The following CT45A1 variants were observed in gnomAD, a reference collection of about 807,000 sequenced individuals.
The protein encoded by CT45A1 is cancer/testis antigen 45-1.
At chrX:135,715,490 ATATG>A (rs1201941454) in intron 1 of CT45A1, among the ~76,000 whole-genome samples, 2 of 79,694 alleles carry the variant, frequency 2.5e-5, no homozygotes, top group Non-Finnish European at 4.4e-5. Flanking sequence ...TATAATACTT[ATATG>A]TATATAATAC....
intron 1 of CT45A1, among the ~76,000 whole-genome samples, chrX:135,717,807 CTTA>C (rs1461340715): frequency 2.7e-5 from 3 of 111,430 alleles, no homozygotes; most frequent in Admixed American, 9.6e-5. Flanking sequence ...ACTAAATTTG[CTTA>C]TTAACTGTAA....
chrX:135,714,543 C>T (rs1440715433), intron 1 of CT45A1, among the ~76,000 whole-genome samples: 4 of 110,047 alleles, frequency 3.6e-5, no homozygotes, highest in Non-Finnish European at 7.6e-5. Context: ...TCTGACCTTT[C>T]GGCCACAGCC....
upstream of CT45A1, among the ~76,000 whole-genome samples, chrX:135,712,179 C>CTTTTTTTTTTTTTTTTTTTTTT (rs782572662): frequency 8.3e-5 from 4 of 48,424 alleles, no homozygotes; most frequent in Non-Finnish European, 1.0e-4. Context: ...TTTTTTCTTT[C>CTTTTTTTTTTTTTTTTTTTTTT]TTTTTTTTTT....
chrX:135,710,346 C>T (rs1556569240), upstream of CT45A1: 1 of 112,194 alleles, frequency 8.9e-6, no homozygotes. Flanking sequence ...TAGCGCTTTC[C>T]AGAATTTTGG....
At chrX:135,711,794 A>G (rs1187592662), upstream of CT45A1, among the ~76,000 whole-genome samples, 1 of 112,087 alleles carries the variant, frequency 8.9e-6, no homozygotes, top group Non-Finnish European at 1.9e-5. Flanking sequence ...GAAAGTGGAA[A>G]AATGGGCGGG....
At chrX:135,717,315 G>A (rs1556571923) in intron 1 of CT45A1, among the ~76,000 whole-genome samples, 1 of 111,804 alleles carries the variant, frequency 8.9e-6, no homozygotes, top group East Asian at 2.8e-4. Context: ...GTGGGAGGCC[G>A]AGGTGGGCAG....
chrX:135,713,752 A>G (rs1190574862), intron 1 of CT45A1, 62 bp downstream of exon 1: 43 of 685,331 alleles, frequency 6.3e-5, no homozygotes, highest in Non-Finnish European at 7.1e-5. Context: ...TTCACCCCAG[A>G]AAGTGTCCTT....
At chrX:135,714,008 C>A (rs1396193074) in intron 1 of CT45A1, among the ~76,000 whole-genome samples, 1 of 107,845 alleles carries the variant, frequency 9.3e-6, no homozygotes, top group Non-Finnish European at 1.9e-5. Flanking sequence ...GGGGGCCATG[C>A]CTTGGTTGCT....
chrX:135,718,012 C>T (rs868960300), intron 1 of CT45A1, among the ~76,000 whole-genome samples: 54 of 111,816 alleles, frequency 4.8e-4, no homozygotes, highest in African/African-American at 1.6e-3. Context: ...AATACTGATA[C>T]GTCACTATGA....
chrX:135,715,689 ATACT>A (rs1312466839), intron 1 of CT45A1, among the ~76,000 whole-genome samples: 1 of 101,017 alleles, frequency 9.9e-6, no homozygotes, highest in South Asian at 4.0e-4. Context: ...TATGTATATA[ATACT>A]TATATATATA....
At chrX:135,711,826 A>T (rs781972478), upstream of CT45A1, among the ~76,000 whole-genome samples, 18 of 111,754 alleles carry the variant, frequency 1.6e-4, no homozygotes, top group African/African-American at 5.9e-4. Flanking sequence ...CACACCTGTA[A>T]TCCCAGCACT....
At chrX:135,709,153 G>T (rs1438754578), upstream of CT45A1, among the ~76,000 whole-genome samples, 3 of 112,350 alleles carry the variant, frequency 2.7e-5, no homozygotes, top group African/African-American at 9.7e-5. Context: ...TACAGCAGCT[G>T]CAGTTGGAAC....
At chrX:135,712,974 T>C (rs1278372002), upstream of CT45A1, among the ~76,000 whole-genome samples, 9 of 48,194 alleles carry the variant, frequency 1.9e-4, no homozygotes, top group South Asian at 1.2e-3. Flanking sequence ...TCTTTCTTTC[T>C]TTTCTTTCTC....
the CT45A1 span, among the ~76,000 whole-genome samples, chrX:135,708,425 T>C: frequency 9.0e-6 from 1 of 110,711 alleles, no homozygotes; most frequent in Non-Finnish European, 1.9e-5. Flanking sequence ...GCAGTTTTTC[T>C]CTGGATGCTT....
intron 1 of CT45A1, among the ~76,000 whole-genome samples, chrX:135,718,469 A>G (rs1360182399): frequency 9.1e-6 from 1 of 110,365 alleles, no homozygotes; most frequent in East Asian, 2.8e-4. Context: ...AGATTGGTTT[A>G]TACATCTATT....
chrX:135,711,728 A>AT (rs2087934229), upstream of CT45A1, among the ~76,000 whole-genome samples: 2 of 112,238 alleles, frequency 1.8e-5, no homozygotes, highest in Admixed American at 9.5e-5. Context: ...TCGCTGTAAT[A>AT]TTTTTTGCCA....
At chrX:135,710,122 T>C (rs2087926955), upstream of CT45A1, 1 of 115,986 alleles carries the variant, frequency 8.6e-6, no homozygotes, top group African/African-American at 3.2e-5. Context: ...TTTTACAGAG[T>C]TAATGGTCCC....
At chrX:135,714,237 C>T (rs1331116763) in intron 1 of CT45A1, among the ~76,000 whole-genome samples, 1 of 109,247 alleles carries the variant, frequency 9.2e-6, no homozygotes. Flanking sequence ...GGCACATTTG[C>T]CCTTGGATGT....
At chrX:135,717,026 A>G (rs782369639) in intron 1 of CT45A1, among the ~76,000 whole-genome samples, 1 of 111,332 alleles carries the variant, frequency 9.0e-6, no homozygotes, top group South Asian at 3.8e-4. Context: ...AATTTCATAT[A>G]TAGTAGTGCG....
Sources: allele counts gnomAD v4.1 joint callset (sites outside exome capture counted in the v4.1 genomes callset), GRCh38; gene constraint gnomAD v4.1.1; transcripts MANE v1.5; gene names NCBI Gene and HGNC (gene_info 2026-07-23, HGNC 2026-07-21).